The following GRK5 variants were observed in gnomAD, a reference collection of about 807,000 sequenced individuals.
The protein encoded by GRK5 is g protein-coupled receptor kinase GRK5.
Under a neutral mutation model 78.4 loss-of-function variants are expected in GRK5, and 40 were observed. The ratio of observed to expected loss-of-function variants is 0.51; its 90% CI spans 0.40 to 0.66. The LOEUF is 0.66. Among genes scored for constraint, GRK5 ranks in the 30% least tolerant of loss-of-function variants. The probability of loss-of-function intolerance (pLI) is 0.00; values close to 1 mark genes in which losing one functional copy is unlikely to be tolerated. For synonymous variants in GRK5, 289 were observed against 296.8 expected (o/e 0.97, Z 0.27); for missense variants, 598 against 759.9 (o/e 0.79, Z 2.50).
At chr10:119,358,568 C>T (rs892055711) in intron 2 of GRK5, among the ~76,000 whole-genome samples, 1 of 152,184 alleles carries the variant, frequency 6.6e-6, no homozygotes, top group Non-Finnish European at 1.5e-5. Context: ...CCCTCATCTG[C>T]TCCTCTTCCA....
chr10:119,434,046 T>C (rs1852873338), intron 8 of GRK5, among the ~76,000 whole-genome samples: 1 of 152,108 alleles, frequency 6.6e-6, no homozygotes, highest in Non-Finnish European at 1.5e-5. Context: ...GAAAGGGGTT[T>C]CCCCTTATAA....
At position 119,264,969 on chromosome 10, in the gene GRK5, G is replaced by A. The variant is rs73450528; in HGVS notation, c.52+57000G>A. Among the ~76,000 whole-genome samples the A allele has an allele frequency of 2.7e-3, 406 of 152,340 alleles. 1 individual carries two copies. The highest frequency in any genetic ancestry group is 0.01 in the Middle Eastern group (3 of 294). ...GTCCTGTTGGGAAGGCCGACTCAGA[G>A]ACAGCTTTCATTCTTTTGTGTTACT... On this transcript the variant is annotated intron_variant, in intron 1 of 15. Coordinates refer to ENST00000392870, the MANE Select transcript of GRK5 (RefSeq NM_005308.3). This position sits in a 1 kb window ranked among gnomAD's most constrained non-coding sequence, Gnocchi z 4.1.
At chr10:119,443,433 CAGTTGGTGGGGTAAG>C (rs1259107141) in intron 11 of GRK5, 96 bp from the exon 12 acceptor site, 22 of 910,602 alleles carry the variant, frequency 2.4e-5, no homozygotes, top group Admixed American at 9.6e-5. Flanking sequence ...GTATTCACAG[CAGTTGGTGGGGTAAG>C]AGTTGGTGGC....
At chr10:119,265,155 C>T (rs866514401) in intron 1 of GRK5, among the ~76,000 whole-genome samples, 1 of 152,178 alleles carries the variant, frequency 6.6e-6, no homozygotes, top group Non-Finnish European at 1.5e-5. Flanking sequence ...TTTTGGGGGC[C>T]TGCTCAGGTG....
intron 2 of GRK5, among the ~76,000 whole-genome samples, chr10:119,370,695 A>G (rs1004569672): frequency 4.6e-4 from 70 of 152,130 alleles, no homozygotes; most frequent in Non-Finnish European, 8.5e-4. Flanking sequence ...CAGCTTTGGC[A>G]GGAATTTTTA....
intron 1 of GRK5, among the ~76,000 whole-genome samples, chr10:119,269,225 T>C (rs2133670208): frequency 6.6e-6 from 1 of 152,320 alleles, no homozygotes; most frequent in South Asian, 2.1e-4. Context: ...CCCCTGCTTG[T>C]TGAAGCACGA....
At chr10:119,318,844 G>A (rs1307242016) in intron 1 of GRK5, among the ~76,000 whole-genome samples, 1 of 152,096 alleles carries the variant, frequency 6.6e-6, no homozygotes, top group Non-Finnish European at 1.5e-5. Flanking sequence ...AAGGCAACAA[G>A]AATAACAGCA....
intron 1 of GRK5, 88 bp from the exon 2 acceptor site, chr10:119,326,428 C>G: frequency 2.8e-6 from 3 of 1,067,348 alleles, no homozygotes; most frequent in Non-Finnish European, 4.3e-6. Context: ...CTCTGTCTCT[C>G]AGCCCAGGAG....
At chr10:119,444,081 C>T (rs1186384049) in intron 12 of GRK5, among the ~76,000 whole-genome samples, 2 of 152,126 alleles carry the variant, frequency 1.3e-5, no homozygotes, top group African/African-American at 4.8e-5. Context: ...AGCTGGTGCC[C>T]CAGACACAAA....
At chr10:119,297,386 G>T (rs1850100712) in intron 1 of GRK5, among the ~76,000 whole-genome samples, 1 of 152,194 alleles carries the variant, frequency 6.6e-6, no homozygotes, top group South Asian at 2.1e-4. Context: ...CTGACAGCCT[G>T]CAGATGGGTG....
At chr10:119,396,931 A>C (rs1211466314) in intron 4 of GRK5, among the ~76,000 whole-genome samples, 159 bp downstream of exon 4, 1 of 152,224 alleles carries the variant, frequency 6.6e-6, no homozygotes, top group African/African-American at 2.4e-5. Context: ...TCCCCCAGAG[A>C]GTGCCCAAGC....
intron 1 of GRK5, among the ~76,000 whole-genome samples, chr10:119,233,167 G>A (rs192563788): frequency 4.6e-5 from 7 of 152,270 alleles, no homozygotes; most frequent in Admixed American, 6.5e-5. Context: ...GGGAGCAGAC[G>A]GTGTCTGTTG....
intron 2 of GRK5, among the ~76,000 whole-genome samples, chr10:119,351,677 A>T (rs1851187446): frequency 6.6e-6 from 1 of 152,222 alleles, no homozygotes; most frequent in Non-Finnish European, 1.5e-5. Flanking sequence ...AAAAACCATG[A>T]CAGCAGCTCA....
chr10:119,455,165 G>C lies in GRK5; in HGVS notation c.*98G>C, dbSNP rs765407210. The C allele has an allele frequency of 7.4e-6, 7 of 950,030 alleles. No individual in the cohort carries two copies. The African/African-American group carries it at 1.1e-4, about 15-fold the overall frequency. The allele number at this position is 950,030 out of a possible 1,614,324, so 58.9% of individuals were successfully genotyped here. On this transcript the variant is annotated 3_prime_UTR_variant, in exon 16 of 16. Coordinates refer to ENST00000392870, the MANE Select transcript of GRK5 (RefSeq NM_005308.3). Reference sequence around the variant, plus strand: ...CCCCTGCTCTGGTGGGGCTGCCAGGGGAGACCCCGGGAGCCGGGGAAGGAG... The same window carrying C: ...CCCCTGCTCTGGTGGGGCTGCCAGGCGAGACCCCGGGAGCCGGGGAAGGAG...
chr10:119,295,372 A>T (rs555834116), intron 1 of GRK5, among the ~76,000 whole-genome samples: 1 of 152,238 alleles, frequency 6.6e-6, no homozygotes, highest in African/African-American at 2.4e-5. Flanking sequence ...GCTGGTGGGA[A>T]TGTAAACTAG....
intron 12 of GRK5, among the ~76,000 whole-genome samples, chr10:119,444,285 G>A (rs1279824797): frequency 1.3e-5 from 2 of 152,154 alleles, no homozygotes; most frequent in African/African-American, 4.8e-5. Context: ...TGCATGACAG[G>A]GTCTAGGGAT....
chr10:119,308,660 C>T (rs927283015), intron 1 of GRK5, among the ~76,000 whole-genome samples: 6 of 152,244 alleles, frequency 3.9e-5, no homozygotes, highest in Non-Finnish European at 7.3e-5. Context: ...TCCTGTGCCA[C>T]GCGGTGGGGG....
chr10:119,237,443 A>G (rs1848952392), intron 1 of GRK5, among the ~76,000 whole-genome samples: 1 of 152,248 alleles, frequency 6.6e-6, no homozygotes, highest in South Asian at 2.1e-4. Flanking sequence ...CCAGCACAGG[A>G]CTGACTTAAA....
At chr10:119,374,830 C>T (rs1851599188) in intron 2 of GRK5, among the ~76,000 whole-genome samples, 1 of 152,010 alleles carries the variant, frequency 6.6e-6, no homozygotes, top group Admixed American at 6.6e-5. Context: ...GGCACCTCCC[C>T]TTCAACTCTC....
Sources: allele counts gnomAD v4.1 joint callset (sites outside exome capture counted in the v4.1 genomes callset), GRCh38; gene constraint gnomAD v4.1.1; non-coding constraint Gnocchi (gnomAD v3.1); transcripts MANE v1.5; gene names NCBI Gene and HGNC (gene_info 2026-07-23, HGNC 2026-07-21).